The following ADCY3 variants were observed in gnomAD, a reference collection of about 807,000 sequenced individuals.
The protein encoded by ADCY3 is adenylate cyclase type 3.
In ADCY3, 70 loss-of-function variants were observed where a neutral mutation model predicts 119.4. That is an observed-to-expected ratio of 0.59 (90% CI 0.48 to 0.72). The LOEUF (loss-of-function observed/expected upper bound fraction) is 0.72. Among genes scored for constraint, ADCY3 ranks in the 30% least tolerant of loss-of-function variants. The pLI is 0.00. For synonymous variants in ADCY3, 672 were observed against 621.4 expected, an observed-to-expected ratio of 1.08 and a Z score of -1.21; for missense variants, 1,238 against 1,541.6, an observed-to-expected ratio of 0.80 and a Z score of 3.30.
At chr2:24,886,815 G>A (rs1223854451) in intron 2 of ADCY3, among the ~76,000 whole-genome samples, 3 of 152,254 alleles carry the variant, frequency 2.0e-5, no homozygotes, top group African/African-American at 4.8e-5. Flanking sequence ...CAGCTGGCAA[G>A]GAGGCTGCCA....
chr2:24,907,858 G>A (rs1003962126), intron 2 of ADCY3, among the ~76,000 whole-genome samples: 1 of 151,636 alleles, frequency 6.6e-6, no homozygotes, highest in African/African-American at 2.4e-5. Flanking sequence ...GCCGGGTGTG[G>A]TGGTGAGCTC....
At position 24,841,237 on chromosome 2, in the gene ADCY3, C is replaced by A; in HGVS notation, c.1196+22G>T. 1 of 1,543,004 alleles carries A rather than the reference C, an allele frequency of 6.5e-7. No individual in the cohort carries two copies. Among genetic ancestry groups the A allele is most frequent in the Non-Finnish European group, 8.8e-7 (1 of 1,142,780 alleles). On this transcript the variant is annotated intron_variant, in intron 6 of 21. Coordinates refer to ENST00000679454, the MANE Select transcript of ADCY3 (RefSeq NM_004036.5). The surrounding 1 kb of genome is among the most constrained non-coding windows in gnomAD (Gnocchi z 5.8). The stretch of plus-strand genomic sequence containing the variant: ...CGGGGCCCTTGCTCTGGGAGCCTCC[C>A]TCCCAGAGGCATCCCACTTACGAGA...
chr2:24,900,057 A>G (rs964568316), intron 2 of ADCY3, among the ~76,000 whole-genome samples: 12 of 151,828 alleles, frequency 7.9e-5, no homozygotes, highest in Admixed American at 7.9e-4. Context: ...GGCTTTCCAC[A>G]GTGAATACAT....
chr2:24,856,532 G>C (rs2148694377), intron 3 of ADCY3, among the ~76,000 whole-genome samples: 1 of 152,342 alleles, frequency 6.6e-6, no homozygotes, highest in South Asian at 2.1e-4. Flanking sequence ...AGAGGGGGCT[G>C]TGGGAGGCAG....
At chr2:24,857,991 A>ATTTTTTTTTTTTTTTTTTTTT (rs56672595) in intron 3 of ADCY3, among the ~76,000 whole-genome samples, 1 of 122,390 alleles carries the variant, frequency 8.2e-6, no homozygotes, top group African/African-American at 3.4e-5. Flanking sequence ...TGTGGTCTGA[A>ATTTTTTTTTTTTTTTTTTTTT]TTTTTTTTTT....
chr2:24,840,069 C>T (rs1222860898), intron 6 of ADCY3, 38 bp from the exon 7 acceptor site: 1 of 1,579,654 alleles, frequency 6.3e-7, no homozygotes, highest in Non-Finnish European at 8.6e-7. Flanking sequence ...CAGGGTGTGG[C>T]CTTCACGAGG....
At position 24,919,816 on chromosome 2, in the gene ADCY3, C is replaced by A. The variant is rs1664897882; in HGVS notation, c.-331G>T. 1 of 151,042 alleles carries A rather than the reference C, an allele frequency of 6.6e-6. No individual in the cohort carries two copies. The highest frequency in any genetic ancestry group is 1.5e-5 in the Non-Finnish European group (1 of 67,598). The allele number at this position is 151,042 out of a possible 1,614,324, so 9.4% of individuals were successfully genotyped here. A position where few individuals can be genotyped will look rare whatever the true frequency, so the allele number is the denominator to read the frequency against. On this transcript the variant is annotated 5_prime_UTR_variant, in exon 1 of 22. Coordinates refer to ENST00000679454, the MANE Select transcript of ADCY3 (RefSeq NM_004036.5). This position sits in a 1 kb window ranked among gnomAD's most constrained non-coding sequence, Gnocchi z 5.5. ...GCAGCGCCTCGGGGCCCGGCCGGAG[C>A]GCGATCTCCCGCCGTCAGGCCCGGG...
intron 15 of ADCY3, 90 bp from the exon 16 acceptor site, chr2:24,826,216 G>C (rs1457978123): frequency 8.6e-7 from 1 of 1,162,638 alleles, no homozygotes; most frequent in Admixed American, 2.0e-5. Context: ...GCTGCTTCCT[G>C]CCACCCCAGC....
chr2:24,826,327 G>GCAA, intron 15 of ADCY3: 2 of 560,994 alleles, frequency 3.6e-6, no homozygotes, highest in Non-Finnish European at 6.4e-6. Flanking sequence ...CAACAGCCAG[G>GCAA]CAACCCCTGG....
rs756559146 is a variant in ADCY3 at position 24,837,035 on chromosome 2, T to C, written c.1544A>G (p.Asn515Ser). Residue 515 changes from asparagine (N) to serine (S), a missense_variant, in exon 9 of 22, where the codon AAT becomes AGT. Asn to Ser is a conservative substitution (Grantham distance 46, BLOSUM62 1). Around this residue, in one of 7 missense-constraint regions of ADCY3, gnomAD observed 499 missense variants for 571.0 expected, o/e 0.87. Transcript: ENST00000679454. ...QNGLNGSALP[N>S]GAPASSKSSS... is the part of the protein sequence containing the mutation. ...GGACTTTGAGGAAGCTGGTGCTCCA[T>C]TGGGCAGGGCCTAGAGGAAAGGAGA... 1.2e-5 allele frequency: 20 copies of C among 1,613,852 alleles called. No homozygotes were observed. Among genetic ancestry groups the C allele is most frequent in the Admixed American group, 8.3e-5 (5 of 59,992 alleles).
At chr2:24,856,425 C>A (rs979614844) in intron 3 of ADCY3, among the ~76,000 whole-genome samples, 4 of 152,156 alleles carry the variant, frequency 2.6e-5, no homozygotes, top group Non-Finnish European at 5.9e-5. Flanking sequence ...CTGTCTTGGT[C>A]CCGATTAATC....
intron 12 of ADCY3, among the ~76,000 whole-genome samples, chr2:24,831,230 T>TTA (rs1669451787): frequency 1.4e-5 from 2 of 147,484 alleles, no homozygotes; most frequent in African/African-American, 2.5e-5. Flanking sequence ...TCATTCTGAT[T>TTA]AAAAAAAAAA....
chr2:24,883,546 T>C (rs922404829), intron 2 of ADCY3, among the ~76,000 whole-genome samples: 6 of 152,116 alleles, frequency 3.9e-5, no homozygotes, highest in African/African-American at 1.2e-4. Context: ...ATAAAGAAAA[T>C]TGAAACCAAT....
intron 20 of ADCY3, chr2:24,821,301 A>AGTATAGTCG: frequency 1.7e-6 from 1 of 605,286 alleles, no homozygotes; most frequent in Non-Finnish European, 2.8e-6. Flanking sequence ...CAGTAGGCAC[A>AGTATAGTCG]GTATAGTCGG....
intron 3 of ADCY3, among the ~76,000 whole-genome samples, chr2:24,864,577 G>T (rs1235590274): frequency 2.0e-5 from 3 of 152,208 alleles, no homozygotes; most frequent in African/African-American, 4.8e-5. Context: ...CGACACAGAA[G>T]AACCTTGAAG....
At chr2:24,862,059 G>A (rs550542546) in intron 3 of ADCY3, among the ~76,000 whole-genome samples, 152 of 152,298 alleles carry the variant, frequency 1.0e-3, no homozygotes, top group African/African-American at 3.5e-3. Context: ...CGCTGGCAGA[G>A]GCTGTGGATG....
At chr2:24,871,263 C>T (rs980840103) in intron 3 of ADCY3, among the ~76,000 whole-genome samples, 1 of 151,854 alleles carries the variant, frequency 6.6e-6, no homozygotes, top group Non-Finnish European at 1.5e-5. Flanking sequence ...CTTTACAAGC[C>T]AGGAAAGGAG....
chr2:24,840,141 G>C, intron 6 of ADCY3, 110 bp from the exon 7 acceptor site: 1 of 1,436,776 alleles, frequency 7.0e-7, no homozygotes, highest in South Asian at 1.3e-5. Context: ...CTCCACAAGA[G>C]GGGGCCTGGC....
intron 2 of ADCY3, among the ~76,000 whole-genome samples, chr2:24,880,824 T>C (rs1373898961): frequency 6.6e-6 from 1 of 152,184 alleles, no homozygotes; most frequent in Admixed American, 6.5e-5. Context: ...GAGACCAGCC[T>C]GGCCAATGTG....
Sources: gnomAD v4.1 joint callset for allele counts (sites outside exome capture counted in the v4.1 genomes callset) on GRCh38, gnomAD v4.1.1 for gene constraint, gnomAD v4.1.1 regional missense constraint, Gnocchi (gnomAD v3.1) non-coding constraint, MANE v1.5 for transcripts, NCBI Gene and HGNC (gene_info 2026-07-23, HGNC 2026-07-21) for gene names.